CHL1: variants seen among roughly 807,000 people sequenced by gnomAD.
CHL1 encodes cell adhesion molecule L1 like.
In CHL1, 96 loss-of-function variants were observed where a neutral mutation model predicts 141.9. That is an observed-to-expected ratio of 0.68 (90% confidence interval 0.57 to 0.80). CHL1 has a LOEUF of 0.80. Ranked by LOEUF, CHL1 falls within the 30% of genes least tolerant of loss-of-function variation. CHL1 has a pLI of 0.00. For missense variants in CHL1, 1,820 were observed against 1,457.2 expected, an observed-to-expected ratio of 1.25 and a Z score of -4.05; for synonymous variants, 613 against 502.2, an observed-to-expected ratio of 1.22 and a Z score of -2.95.
intron 15 of CHL1, 115 bp from the exon 16 acceptor site, chr3:377,703 G>A (rs1365964104): frequency 1.1e-6 from 1 of 888,632 alleles, no homozygotes; most frequent in East Asian, 2.6e-5. Flanking sequence ...ATTGCATAAA[G>A]TCATCTTTCA....
chr3:395,834 G>C (rs552483332), intron 24 of CHL1, among the ~76,000 whole-genome samples: 1 of 152,270 alleles, frequency 6.6e-6, no homozygotes, highest in African/African-American at 2.4e-5. Context: ...AAAAACGGTA[G>C]AATCAATGAA....
At chr3:364,620 A>G (rs774350627) in intron 14 of CHL1, among the ~76,000 whole-genome samples, 7 of 152,184 alleles carry the variant, frequency 4.6e-5, no homozygotes, top group Non-Finnish European at 8.8e-5. Context: ...AATCGTATCA[A>G]TGGAGGATTA....
intron 5 of CHL1, 76 bp from the exon 6 acceptor site, chr3:340,718 A>AG (rs1468463270): frequency 2.5e-6 from 3 of 1,223,764 alleles, no homozygotes; most frequent in Admixed American, 2.4e-5. Context: ...TTGAAAAAAA[A>AG]GAACATATTA....
intron 5 of CHL1, among the ~76,000 whole-genome samples, chr3:336,014 T>C (rs1032907887): frequency 5.9e-5 from 9 of 152,214 alleles, no homozygotes; most frequent in African/African-American, 2.2e-4. Flanking sequence ...ATAAATCAAA[T>C]GAGTTAGGTG....
At chr3:339,184 CTAAA>C (rs1702169620) in intron 5 of CHL1, among the ~76,000 whole-genome samples, 4 of 152,164 alleles carry the variant, frequency 2.6e-5, no homozygotes, top group Admixed American at 2.6e-4. Flanking sequence ...GCGAATAAAA[CTAAA>C]TAAGTGGTTC....
At chr3:347,331 A>G (rs950383278) in intron 9 of CHL1, among the ~76,000 whole-genome samples, 9 of 152,322 alleles carry the variant, frequency 5.9e-5, no homozygotes, top group South Asian at 2.1e-4. Flanking sequence ...GCATTAAGCA[A>G]TATATTTTCC....
At position 405,689 on chromosome 3, in the gene CHL1, C is replaced by G. The variant is rs1334672203; in HGVS notation, c.3653C>G (p.Ala1218Gly). Residue 1218 changes from alanine (A) to glycine (G), a missense_variant, in exon 28 of 28, where the codon GCA becomes GGA. Physicochemically the swap from Ala to Gly is moderately conservative, Grantham distance 60 (BLOSUM62 0). Coordinates refer to ENST00000256509, the MANE Select transcript of CHL1 (RefSeq NM_006614.4). ...GTTGAAAGCAATGGAAGTTCTACAG[C>G]AACTTTTCCCCTTCGGGCATAAACA... ...GSVESNGSST[A>G]TFPLRA The G allele has an allele frequency of 6.2e-7, 1 of 1,613,116 alleles. No homozygotes were observed. Among genetic ancestry groups the G allele is most frequent in the Admixed American group, 1.7e-5 (1 of 59,958 alleles).
chr3:240,111 G>A (rs1410128751), intron 1 of CHL1, among the ~76,000 whole-genome samples: 1 of 152,200 alleles, frequency 6.6e-6, no homozygotes, highest in Non-Finnish European at 1.5e-5. Context: ...TAGATACCCA[G>A]TAGTGGGATT....
chr3:338,155 C>CTA (rs1400268698), intron 5 of CHL1, among the ~76,000 whole-genome samples: 1 of 152,122 alleles, frequency 6.6e-6, no homozygotes, highest in African/African-American at 2.4e-5. Context: ...TTCTGCTTAG[C>CTA]TAGACTGTTA....
intron 1 of CHL1, among the ~76,000 whole-genome samples, chr3:203,123 T>G (rs545871710): frequency 1.3e-5 from 2 of 152,230 alleles, no homozygotes; most frequent in African/African-American, 4.8e-5. Context: ...TTGGTTATAA[T>G]TGTGCAGTGT....
intron 2 of CHL1, among the ~76,000 whole-genome samples, chr3:286,051 G>A (rs570624725): frequency 4.3e-4 from 66 of 152,074 alleles, no homozygotes; most frequent in Non-Finnish European, 8.2e-4. Context: ...AATACATAAA[G>A]TTTATTACCC....
At chr3:381,250 C>G (rs916757375) in intron 16 of CHL1, among the ~76,000 whole-genome samples, 2 of 152,128 alleles carry the variant, frequency 1.3e-5, no homozygotes, top group African/African-American at 2.4e-5. Context: ...CAAAGAACCC[C>G]AGACCCCAGA....
chr3:305,764 G>A (rs1356108760), intron 2 of CHL1, among the ~76,000 whole-genome samples: 2 of 151,580 alleles, frequency 1.3e-5, no homozygotes, highest in East Asian at 3.9e-4. Flanking sequence ...TTTCTGGCAG[G>A]GATGGGGAGA....
At chr3:314,329 G>GTGTGTGTATATATA (rs1455318071) in intron 2 of CHL1, among the ~76,000 whole-genome samples, 1 of 65,342 alleles carries the variant, frequency 1.5e-5, no homozygotes, top group African/African-American at 5.3e-5. Context: ...CTCTCTATGT[G>GTGTGTGTATATATA]TATATATATA....
intron 2 of CHL1, among the ~76,000 whole-genome samples, chr3:279,116 T>C (rs879379552): frequency 3.3e-5 from 5 of 152,224 alleles, no homozygotes; most frequent in Admixed American, 6.5e-5. Flanking sequence ...GGATTTAGTC[T>C]TTAAGTCTTA....
intron 1 of CHL1, among the ~76,000 whole-genome samples, chr3:220,034 C>G (rs1215768666): frequency 6.6e-6 from 1 of 152,132 alleles, no homozygotes; most frequent in Non-Finnish European, 1.5e-5. Context: ...AAATAAATGA[C>G]TCTTAAAAGC....
At chr3:399,426 G>A (rs1403478274) in intron 26 of CHL1, among the ~76,000 whole-genome samples, 1 of 152,126 alleles carries the variant, frequency 6.6e-6, no homozygotes, top group African/African-American at 2.4e-5. Context: ...CGGATCATGA[G>A]GTCAGGAGAT....
At chr3:403,108 A>G (rs1709275499) in intron 27 of CHL1, among the ~76,000 whole-genome samples, 1 of 152,156 alleles carries the variant, frequency 6.6e-6, no homozygotes, top group East Asian at 1.9e-4. Flanking sequence ...TGTTGGCAGG[A>G]TATAGTTCCA....
chr3:337,039 TG>T (rs67747710), intron 5 of CHL1, among the ~76,000 whole-genome samples: 18,302 of 152,160 alleles, frequency 0.12, 1,377 homozygotes, highest in East Asian at 0.36. Flanking sequence ...GAATAATAAA[TG>T]TGAAAGCCTA....
Sources: allele counts gnomAD v4.1 joint callset (sites outside exome capture counted in the v4.1 genomes callset), GRCh38; gene constraint gnomAD v4.1.1; transcripts MANE v1.5; gene names NCBI Gene and HGNC (gene_info 2026-07-23, HGNC 2026-07-21).